The following BPIFA3 variants were observed in gnomAD, a reference collection of about 807,000 sequenced individuals.
BPIFA3 encodes the protein BPI fold containing family A member 3, also known as BPI fold-containing family A member 3.
BPIFA3 carries 32 observed loss-of-function variants against 29.7 expected under a neutral mutation model. The observed-to-expected ratio is 1.08, with a 90% CI of 0.81 to 1.45. BPIFA3 has a LOEUF of 1.45. Among genes scored for constraint, BPIFA3 ranks in the 40% most tolerant of loss-of-function variants. The pLI is 0.00. For synonymous variants in BPIFA3, 112 were observed against 113.7 expected (o/e 0.98, Z 0.10); for missense variants, 323 against 311.3 (o/e 1.04, Z -0.28).
chr20:33,223,839 C>G lies in BPIFA3; in HGVS notation c.156C>G (p.Asn52Lys), dbSNP rs758368178. The G allele has an allele frequency of 6.2e-6, 10 of 1,613,914 alleles. No homozygotes were observed. Among genetic ancestry groups the G allele is most frequent in the Non-Finnish European group, 8.5e-6 (10 of 1,179,920 alleles). ...RIIAQGLIKH[N>K]AESRIQNIHF... The stretch of plus-strand genomic sequence containing the variant: ...TTGCTCAGGGCCTCATAAAGCACAA[C>G]GCAGAAAGCCGAATTCAGAACATCC... The change falls in exon 2 of 7, where the codon AAC (asparagine) becomes AAG (lysine). Residue 52 changes from asparagine (N) to lysine (K), a missense_variant. Coordinates refer to ENST00000375454, the MANE Select transcript of BPIFA3 (RefSeq NM_178466.5).
Position 33,224,444 on chromosome 20 carries a change from T to A in BPIFA3, c.368T>A (p.Phe123Tyr). 1 of 1,613,632 alleles carries A rather than the reference T, an allele frequency of 6.2e-7. No individual in the cohort carries two copies. Among genetic ancestry groups the A allele is most frequent in the Non-Finnish European group, 8.5e-7 (1 of 1,179,520 alleles). Residue 123 changes from phenylalanine to tyrosine, a missense_variant, in exon 3 of 7, where the codon TTT (phenylalanine) becomes TAT (tyrosine). By Grantham distance (22) the Phe-to-Tyr change is conservative (BLOSUM62 3). Transcript: ENST00000375454. ...TTCTCGGCAAATATCTCACTTGAATTTGACCTTGAATTGAGACCGTGAGTC... is the reference window on the plus strand; with the variant it reads ...TTCTCGGCAAATATCTCACTTGAATATGACCTTGAATTGAGACCGTGAGTC... ...EWFSANISLE[F>Y]DLELRPSFDN...
At position 33,223,909 on chromosome 20, in the gene BPIFA3, C is replaced by A. The variant is rs574453101; in HGVS notation, c.226C>A (p.Leu76Met). The A allele has an allele frequency of 3.0e-5, 48 of 1,614,102 alleles. 2 individuals are homozygous for A. Among genetic ancestry groups the A allele is most frequent in the African/African-American group, 2.9e-4 (22 of 74,950 alleles). ...TGCCTCAGCACAAGTGGCCCCAGGG[C>A]TGGTGGGCTGGCTAATCAGCGGCAG... ...LNASAQVAPG[L>M]VGWLISGRKH... Residue 76 changes from leucine (L) to methionine (M), a missense_variant, in exon 2 of 7, where the codon CTG becomes ATG. Transcript: ENST00000375454.
intron 1 of BPIFA3, 118 bp from the exon 2 acceptor site, chr20:33,223,693 T>A: frequency 9.4e-7 from 1 of 1,062,666 alleles, no homozygotes; most frequent in East Asian, 2.6e-5. Context: ...GGTGGTGACA[T>A]GCACCACTCA....
chr20:33,227,393 C>T (rs1985832818), intron 6 of BPIFA3, 145 bp from the exon 7 acceptor site: 2 of 680,636 alleles, frequency 2.9e-6, no homozygotes, highest in Non-Finnish European at 5.2e-6. Context: ...AAGAAGCAAA[C>T]AATTCAGCAT....
At chr20:33,222,476 A>G (rs1985556837) in intron 1 of BPIFA3, among the ~76,000 whole-genome samples, 1 of 152,230 alleles carries the variant, frequency 6.6e-6, no homozygotes, top group Admixed American at 6.5e-5. Context: ...CAGGAATTTA[A>G]GGGAGTACTT....
chr20:33,225,323 CG>C, intron 4 of BPIFA3, 76 bp downstream of exon 4: 3 of 1,595,268 alleles, frequency 1.9e-6, no homozygotes, highest in Non-Finnish European at 2.6e-6. Context: ...ACTTCCTGAC[CG>C]TCTCCTAAAT....
rs1985806755 is a variant in BPIFA3, at chr20:33,226,923, G to A, written c.622-7G>A. 1.9e-6 allele frequency: 3 copies of A among 1,613,988 alleles called. No individual in the cohort carries two copies. The highest frequency in any genetic ancestry group is 1.1e-5 in the South Asian group (1 of 91,084). ...GCCTGATCCTTCTCTCTGTGCTGATGGTCCAGGTATGTCCTCTGATCGGTG... is the reference window on the plus strand; with the variant it reads ...GCCTGATCCTTCTCTCTGTGCTGATAGTCCAGGTATGTCCTCTGATCGGTG... On this transcript the variant is annotated splice_region_variant and splice_polypyrimidine_tract_variant and intron_variant, in intron 5 of 6. Coordinates refer to ENST00000375454, the MANE Select transcript of BPIFA3 (RefSeq NM_178466.5).
In BPIFA3 at chr20:33,217,609, C is replaced by A. The variant is rs1285121744; in HGVS notation, c.73C>A (p.Pro25Thr). The change falls in exon 1 of 7, where the codon CCT becomes ACT. Residue 25 changes from proline (P) to threonine (T), a missense_variant. Physicochemically the swap from Pro to Thr is conservative, Grantham distance 38 (BLOSUM62 -1). Transcript: ENST00000375454. ...CTTGCCCTTGGCACCACACAAGCAG[C>A]CTTGGCCTGGCCTGGCCCAAGCCCA... is the stretch of plus-strand genomic sequence containing the variant. The part of the protein sequence containing the change: ...LALPLAPHKQ[P>T]WPGLAQAHRD... 6.2e-7 allele frequency: 1 copy of A among 1,614,048 alleles called. No individual in the cohort carries two copies. Among genetic ancestry groups the A allele is most frequent in the East Asian group, 2.2e-5 (1 of 44,890 alleles).
rs1014964373 is a variant in BPIFA3, at chr20:33,226,213, A to G, written c.537-193A>G. 1.2e-4 allele frequency: 69 copies of G among 552,724 alleles called. No individual in the cohort carries two copies. The Middle Eastern group carries it at 1.3e-3, about 11-fold the overall frequency. 34.2% of individuals were successfully genotyped at this position (552,724 alleles called of 1,614,324 possible). A position where few individuals can be genotyped will look rare whatever the true frequency, so the allele number is the denominator to read the frequency against. ...GCTCTATTGCCATGTTTCTAATATA[A>G]CCAGCACTTATTAGCTGTGTGACCT... On this transcript the variant is annotated intron_variant, in intron 4 of 6. Transcript: ENST00000375454.
chr20:33,217,618 G>C lies in BPIFA3; in HGVS notation c.82G>C (p.Gly28Arg). The change falls in exon 1 of 7, where the codon GGC becomes CGC. Residue 28 changes from glycine (G) to arginine (R), a missense_variant. By Grantham distance (125) the Gly-to-Arg change is moderately radical (BLOSUM62 -2). Transcript: ENST00000375454. Reference protein sequence around the residue: ...PLAPHKQPWPGLAQAHRDNKS... With the variant: ...PLAPHKQPWPRLAQAHRDNKS... ...GGCACCACACAAGCAGCCTTGGCCT[G>C]GCCTGGCCCAAGCCCACAGAGACAA... The C allele has an allele frequency of 1.2e-6, 2 of 1,614,090 alleles. No individual in the cohort carries two copies. Among genetic ancestry groups the C allele is most frequent in the African/African-American group, 1.3e-5 (1 of 75,034 alleles).
At chr20:33,227,266 A>T (rs908543262) in intron 6 of BPIFA3, among the ~76,000 whole-genome samples, 1 of 152,068 alleles carries the variant, frequency 6.6e-6, no homozygotes, top group African/African-American at 2.4e-5. Flanking sequence ...TCTCCACCCA[A>T]TCCAGTAGGG....
At chr20:33,219,835 CG>C (rs1353306961) in intron 1 of BPIFA3, among the ~76,000 whole-genome samples, 2 of 152,166 alleles carry the variant, frequency 1.3e-5, no homozygotes, top group African/African-American at 4.8e-5. Context: ...TGGCCGAGCA[CG>C]GTGGCTCCCT....
At chr20:33,226,335 A>G in intron 4 of BPIFA3, 71 bp from the exon 5 acceptor site, 3 of 1,129,142 alleles carry the variant, frequency 2.7e-6, no homozygotes, top group Non-Finnish European at 4.0e-6. Flanking sequence ...AGTATACTCA[A>G]CACATACCTC....
chr20:33,222,643 G>GATGA (rs386393651), intron 1 of BPIFA3, among the ~76,000 whole-genome samples: 3 of 146,494 alleles, frequency 2.0e-5, no homozygotes, highest in Non-Finnish European at 4.4e-5. Context: ...TGAATGGATG[G>GATGA]ATGGATGGAT....
intron 4 of BPIFA3, 37 bp downstream of exon 4, chr20:33,225,284 C>T: frequency 6.2e-7 from 1 of 1,611,502 alleles, no homozygotes; most frequent in Non-Finnish European, 8.5e-7. Context: ...AGCTGGGCCT[C>T]CTTCCTGATG....
intron 2 of BPIFA3, 73 bp downstream of exon 2, chr20:33,224,034 G>A (rs1985658086): frequency 2.6e-6 from 4 of 1,558,510 alleles, no homozygotes; most frequent in Admixed American, 1.8e-5. Flanking sequence ...GAGCTGATGG[G>A]GGGCTGGGGA....
intron 6 of BPIFA3, among the ~76,000 whole-genome samples, chr20:33,227,214 C>T (rs1473772410): frequency 6.6e-6 from 1 of 152,168 alleles, no homozygotes; most frequent in Non-Finnish European, 1.5e-5. Flanking sequence ...TGCCAAGTCA[C>T]TGAAGTCATC....
intron 3 of BPIFA3, 136 bp from the exon 4 acceptor site, chr20:33,224,962 C>T: frequency 1.4e-6 from 1 of 729,062 alleles, no homozygotes; most frequent in Non-Finnish European, 2.3e-6. Flanking sequence ...TTAACTGGGC[C>T]TAGTTTGTTG....
intron 5 of BPIFA3, 112 bp from the exon 6 acceptor site, chr20:33,226,818 C>T: frequency 7.4e-7 from 1 of 1,342,864 alleles, no homozygotes; most frequent in East Asian, 2.3e-5. Context: ...GCTGCTCTGG[C>T]CACGATTCCT....
Sources: allele counts gnomAD v4.1 joint callset (sites outside exome capture counted in the v4.1 genomes callset), GRCh38; gene constraint gnomAD v4.1.1; transcripts MANE v1.5; gene names NCBI Gene and HGNC (gene_info 2026-07-23, HGNC 2026-07-21).